The following COL25A1 variants were observed in gnomAD, a reference collection of about 807,000 sequenced individuals.
COL25A1 encodes the protein collagen alpha-1(XXV) chain.
COL25A1 carries 103 observed loss-of-function variants against 128.4 expected under a neutral mutation model. The ratio of observed to expected loss-of-function variants is 0.80; its 90% CI spans 0.68 to 0.94. The LOEUF (loss-of-function observed/expected upper bound fraction) is 0.94. Ranked by LOEUF, COL25A1 falls within the 40% of genes least tolerant of loss-of-function variation. COL25A1 has a pLI of 0.00. For missense variants in COL25A1, 745 were observed against 840.0 expected, an observed-to-expected ratio of 0.89 and a Z score of 1.40; for synonymous variants, 279 against 277.2, an observed-to-expected ratio of 1.01 and a Z score of -0.06.
chr4:108,877,612 G>A (rs1159117167), intron 19 of COL25A1, among the ~76,000 whole-genome samples: 1 of 151,700 alleles, frequency 6.6e-6, no homozygotes, highest in East Asian at 1.9e-4. Flanking sequence ...ATAGTCTACT[G>A]AGATAGCAGC....
At chr4:109,131,849 C>T (rs1298119451) in intron 3 of COL25A1, among the ~76,000 whole-genome samples, 5 of 152,140 alleles carry the variant, frequency 3.3e-5, no homozygotes, top group African/African-American at 9.7e-5. Flanking sequence ...GATAAGCATG[C>T]GCTGTTGCTG....
At chr4:109,085,665 A>C (rs552983029) in intron 3 of COL25A1, among the ~76,000 whole-genome samples, 4 of 152,208 alleles carry the variant, frequency 2.6e-5, no homozygotes, top group Non-Finnish European at 2.9e-5. Flanking sequence ...GTTCCCTGCA[A>C]TATCTACCAT....
At chr4:109,082,143 T>A (rs925685278) in intron 3 of COL25A1, among the ~76,000 whole-genome samples, 4 of 152,200 alleles carry the variant, frequency 2.6e-5, no homozygotes, top group Non-Finnish European at 5.9e-5. Context: ...AGTACTACAT[T>A]CAATTTCATA....
intron 3 of COL25A1, among the ~76,000 whole-genome samples, chr4:109,277,224 G>C (rs1361783133): frequency 1.3e-5 from 2 of 152,020 alleles, no homozygotes; most frequent in African/African-American, 4.8e-5. Flanking sequence ...GCTTCTAAAA[G>C]GGATGATTAA....
At chr4:109,222,437 G>C (rs753371998) in intron 3 of COL25A1, among the ~76,000 whole-genome samples, 1 of 152,062 alleles carries the variant, frequency 6.6e-6, no homozygotes, top group Non-Finnish European at 1.5e-5. Flanking sequence ...GATTTTCAGA[G>C]AAACTTGCTA....
chr4:109,087,908 A>G (rs1294874569), intron 3 of COL25A1, among the ~76,000 whole-genome samples: 2 of 152,026 alleles, frequency 1.3e-5, no homozygotes, highest in Admixed American at 6.6e-5. Context: ...TATACTATTC[A>G]TATCATTATA....
At chr4:108,968,767 T>C (rs1751600077) in intron 8 of COL25A1, among the ~76,000 whole-genome samples, 1 of 152,184 alleles carries the variant, frequency 6.6e-6, no homozygotes, top group African/African-American at 2.4e-5. Flanking sequence ...TTCTGTTTGT[T>C]ACACTATTCC....
intron 8 of COL25A1, among the ~76,000 whole-genome samples, chr4:108,950,926 T>C (rs1359203205): frequency 6.6e-6 from 1 of 152,210 alleles, no homozygotes; most frequent in Non-Finnish European, 1.5e-5. Context: ...GTACTTAAGC[T>C]TATTCTGTCT....
In COL25A1 at chr4:108,982,999, G is replaced by C. The variant is rs148600758; in HGVS notation, c.439-8440C>G. On this transcript the variant is annotated intron_variant, in intron 6 of 37. Transcript: ENST00000399132. ...AAAGTAAGACTGATGTAGCTCAATG[G>C]AGTTAAAGGCTTATAAAACAGCAGG... Among the ~76,000 whole-genome samples the C allele has an allele frequency of 3.0e-3, 460 of 152,230 alleles. 3 individuals are homozygous for C. The highest frequency in any genetic ancestry group is 0.017 in the Middle Eastern group (5 of 294).
chr4:109,167,726 T>A (rs1413611085), intron 3 of COL25A1, among the ~76,000 whole-genome samples: 1 of 152,096 alleles, frequency 6.6e-6, no homozygotes, highest in Non-Finnish European at 1.5e-5. Context: ...TAAAGCCCAC[T>A]GACAAGATGA....
At chr4:109,129,994 A>C (rs1032736834) in intron 3 of COL25A1, among the ~76,000 whole-genome samples, 34 of 133,040 alleles carry the variant, frequency 2.6e-4, no homozygotes, top group East Asian at 1.3e-3. Flanking sequence ...TAAAACTTAA[A>C]GTATAATTAA....
At chr4:108,940,735 A>T (rs1431943587) in intron 9 of COL25A1, 89 bp from the exon 10 acceptor site, 2 of 812,610 alleles carry the variant, frequency 2.5e-6, no homozygotes, top group African/African-American at 3.5e-5. Context: ...GTATTATCTA[A>T]TTCACATTTA....
At chr4:108,995,931 C>A (rs1343265815) in intron 6 of COL25A1, among the ~76,000 whole-genome samples, 5 of 152,106 alleles carry the variant, frequency 3.3e-5, no homozygotes, top group Non-Finnish European at 1.5e-5. Context: ...GAGATTTTGT[C>A]ACCACCAGGC....
chr4:108,870,517 C>T (rs1003425380), intron 19 of COL25A1, among the ~76,000 whole-genome samples: 6 of 151,190 alleles, frequency 4.0e-5, no homozygotes, highest in African/African-American at 1.2e-4. Flanking sequence ...TTCTGTAACT[C>T]CCTAGTCTAC....
intron 5 of COL25A1, among the ~76,000 whole-genome samples, chr4:109,018,730 T>C (rs1169724801): frequency 6.6e-6 from 1 of 152,196 alleles, no homozygotes; most frequent in African/African-American, 2.4e-5. Flanking sequence ...GCTGAACTGC[T>C]GAAAGGCGAG....
intron 3 of COL25A1, among the ~76,000 whole-genome samples, chr4:109,120,529 C>T (rs1236359422): frequency 1.3e-5 from 2 of 152,062 alleles, no homozygotes; most frequent in Non-Finnish European, 2.9e-5. Flanking sequence ...CATTACCAAG[C>T]CAGGTGTGGT....
At chr4:108,871,794 G>A (rs1738750704) in intron 19 of COL25A1, among the ~76,000 whole-genome samples, 1 of 152,200 alleles carries the variant, frequency 6.6e-6, no homozygotes, top group Admixed American at 6.5e-5. Context: ...CCAGAGGTCT[G>A]AATCACTTTA....
chr4:109,282,474 T>C (rs1334433059), intron 3 of COL25A1, among the ~76,000 whole-genome samples: 1 of 152,170 alleles, frequency 6.6e-6, no homozygotes, highest in Non-Finnish European at 1.5e-5. Context: ...AAGACAAAGC[T>C]GAACCCAACA....
intron 11 of COL25A1, among the ~76,000 whole-genome samples, chr4:108,922,160 TA>T (rs1745562778): frequency 6.6e-6 from 1 of 152,206 alleles, no homozygotes; most frequent in Admixed American, 6.5e-5. Flanking sequence ...CCTTAGCATA[TA>T]AACATATTTA....
Sources: allele counts gnomAD v4.1 joint callset (sites outside exome capture counted in the v4.1 genomes callset), GRCh38; gene constraint gnomAD v4.1.1; transcripts MANE v1.5; gene names NCBI Gene and HGNC (gene_info 2026-07-23, HGNC 2026-07-21).